GALNTL6: variants seen among roughly 807,000 people sequenced by gnomAD.
GALNTL6 encodes polypeptide N-acetylgalactosaminyltransferase-like 6.
Under a neutral mutation model 73.7 loss-of-function variants are expected in GALNTL6, and 46 were observed. The observed-to-expected ratio is 0.62, with a 90% CI of 0.49 to 0.80. The LOEUF is 0.80. Among genes scored for constraint, GALNTL6 ranks in the 30% least tolerant of loss-of-function variants. The pLI, the probability that GALNTL6 is intolerant of heterozygous loss-of-function variation, is 0.00. For synonymous variants in GALNTL6, 259 were observed against 263.7 expected (o/e 0.98, Z 0.17); for missense variants, 604 against 755.0 (o/e 0.80, Z 2.34).
intron 4 of GALNTL6, among the ~76,000 whole-genome samples, chr4:172,316,913 G>A (rs531392547): frequency 6.6e-6 from 1 of 152,068 alleles, no homozygotes. Context: ...AGGCAAGCAG[G>A]TTCCAAAGCA....
chr4:171,950,337 G>A (rs138758995), intron 2 of GALNTL6, among the ~76,000 whole-genome samples: 3 of 152,152 alleles, frequency 2.0e-5, no homozygotes, highest in African/African-American at 7.2e-5. Flanking sequence ...ACAAGGAAGA[G>A]AGAGCAAAAA....
At chr4:171,936,915 A>C (rs1738365760) in intron 2 of GALNTL6, among the ~76,000 whole-genome samples, 1 of 152,206 alleles carries the variant, frequency 6.6e-6, no homozygotes, top group African/African-American at 2.4e-5. Context: ...AGTAGATATT[A>C]GTTCAAGGCT....
chr4:172,354,285 G>T (rs1328920566), intron 5 of GALNTL6, among the ~76,000 whole-genome samples: 19 of 151,908 alleles, frequency 1.3e-4, no homozygotes, highest in Non-Finnish European at 2.9e-5. Context: ...GGATAATTGC[G>T]TTTAAAAAAA....
intron 5 of GALNTL6, among the ~76,000 whole-genome samples, chr4:172,721,637 T>G (rs1427010975): frequency 6.6e-6 from 1 of 152,194 alleles, no homozygotes; most frequent in Non-Finnish European, 1.5e-5. Flanking sequence ...GACAGAATCA[T>G]TAAGGCCTAA....
chr4:172,145,053 C>A (rs563125885), intron 2 of GALNTL6, among the ~76,000 whole-genome samples: 1 of 151,978 alleles, frequency 6.6e-6, no homozygotes, highest in Non-Finnish European at 1.5e-5. Flanking sequence ...AACCTCCCAG[C>A]CTTAGGTGAT....
chr4:172,129,400 A>T (rs544081698), intron 2 of GALNTL6, among the ~76,000 whole-genome samples: 3 of 152,318 alleles, frequency 2.0e-5, no homozygotes, highest in South Asian at 4.1e-4. Context: ...ATGCATGAGG[A>T]AACTCCACAT....
At chr4:172,527,315 A>G (rs1734992048) in intron 5 of GALNTL6, among the ~76,000 whole-genome samples, 1 of 152,178 alleles carries the variant, frequency 6.6e-6, no homozygotes, top group African/African-American at 2.4e-5. Flanking sequence ...GATTGTAGAC[A>G]CTGACCCTAG....
In GALNTL6 at chr4:172,515,912, C is replaced by G. The variant is rs370316595; in HGVS notation, c.553+167223C>G. ...ACTGTGCCTTTGCACTCTGCTCGAACCCTTCACCACCCTCAGACCCAAACC... is the reference window on the plus strand; with the variant it reads ...ACTGTGCCTTTGCACTCTGCTCGAAGCCTTCACCACCCTCAGACCCAAACC... On this transcript the variant is annotated intron_variant, in intron 5 of 12. Transcript: ENST00000506823. Among the ~76,000 whole-genome samples the G allele has an allele frequency of 2.0e-5, 3 of 152,294 alleles. No homozygotes were observed. In the South Asian group the frequency reaches 6.2e-4, roughly 32 times the overall value.
intron 7 of GALNTL6, among the ~76,000 whole-genome samples, chr4:172,872,974 C>A (rs1369074067): frequency 6.6e-6 from 1 of 152,180 alleles, no homozygotes; most frequent in Non-Finnish European, 1.5e-5. Context: ...CTGGTGTTGT[C>A]ACCCTCAAAC....
intron 7 of GALNTL6, among the ~76,000 whole-genome samples, chr4:172,882,384 A>G (rs1745501734): frequency 6.6e-6 from 1 of 152,176 alleles, no homozygotes. Flanking sequence ...CTACAAAAGC[A>G]TTTTCAATAC....
chr4:172,552,641 A>C (rs947552851), intron 5 of GALNTL6, among the ~76,000 whole-genome samples: 1 of 151,952 alleles, frequency 6.6e-6, no homozygotes, highest in Non-Finnish European at 1.5e-5. Context: ...TCTATATACT[A>C]GGTCATGCAC....
At chr4:172,192,594 C>A (rs998828839) in intron 2 of GALNTL6, among the ~76,000 whole-genome samples, 1 of 152,048 alleles carries the variant, frequency 6.6e-6, no homozygotes, top group Non-Finnish European at 1.5e-5. Context: ...GAGCTGCCAC[C>A]CCCAGCCAAG....
At chr4:171,917,840 TTATA>T in intron 2 of GALNTL6, among the ~76,000 whole-genome samples, 1 of 152,202 alleles carries the variant, frequency 6.6e-6, no homozygotes, top group Admixed American at 6.6e-5. Context: ...ACTAATGACA[TTATA>T]TCCAGATATT....
chr4:172,267,759 C>G (rs6825516), intron 3 of GALNTL6, among the ~76,000 whole-genome samples: 53,444 of 151,920 alleles, frequency 0.35, 9,418 homozygotes, highest in Non-Finnish European at 0.38. Flanking sequence ...GAAATTAAGA[C>G]AGTGGGGCAT....
At chr4:172,856,719 T>G (rs746134612) in intron 7 of GALNTL6, among the ~76,000 whole-genome samples, 3 of 152,250 alleles carry the variant, frequency 2.0e-5, no homozygotes, top group African/African-American at 4.8e-5. Flanking sequence ...TCCAACCTCA[T>G]CAGCTTTCAG....
Position 172,801,181 on chromosome 4 carries a change from G to A in GALNTL6, c.554-8180G>A, listed in dbSNP as rs140783439. ...AAATTGAAATAATGAAGTAATGAAC[G>A]TGCAAATCAAATTTGTAATTAATTA... is the stretch of plus-strand genomic sequence containing the variant. On this transcript the variant is annotated intron_variant, in intron 5 of 12. Coordinates refer to ENST00000506823, the MANE Select transcript of GALNTL6 (RefSeq NM_001034845.3). 4.3e-4 allele frequency among the ~76,000 whole-genome samples: 65 copies of A among 152,190 alleles called. 1 individual carries two copies. Among genetic ancestry groups the A allele is most frequent in the East Asian group, 5.8e-4 (3 of 5,188 alleles).
intron 10 of GALNTL6, among the ~76,000 whole-genome samples, chr4:172,994,006 T>G (rs1381023708): frequency 2.0e-5 from 3 of 152,196 alleles, no homozygotes; most frequent in Non-Finnish European, 4.4e-5. Context: ...CCGTTCATTG[T>G]CAGAACTATC....
intron 3 of GALNTL6, among the ~76,000 whole-genome samples, chr4:172,250,809 C>T (rs959623150): frequency 3.3e-5 from 5 of 152,032 alleles, no homozygotes; most frequent in African/African-American, 1.2e-4. Flanking sequence ...AAAACTTTGG[C>T]CAGAGGAAAA....
intron 7 of GALNTL6, among the ~76,000 whole-genome samples, chr4:172,846,948 C>T (rs1417878505): frequency 6.6e-6 from 1 of 152,030 alleles, no homozygotes; most frequent in African/African-American, 2.4e-5. Flanking sequence ...CTCTCGTCCT[C>T]GCTCTCTTTC....
Sources: allele counts gnomAD v4.1 joint callset (sites outside exome capture counted in the v4.1 genomes callset), GRCh38; gene constraint gnomAD v4.1.1; transcripts MANE v1.5; gene names NCBI Gene and HGNC (gene_info 2026-07-23, HGNC 2026-07-21).